The following MYO3B variants were observed in gnomAD, a reference collection of about 807,000 sequenced individuals.
MYO3B encodes the protein myosin-IIIb.
A neutral mutation model predicts 174.6 loss-of-function variants in MYO3B; 156 were observed. The observed-to-expected ratio is 0.89, with a 90% CI of 0.78 to 1.02. The LOEUF (loss-of-function observed/expected upper bound fraction) is 1.02. Among genes scored for constraint, MYO3B ranks in the 50% least tolerant of loss-of-function variants. The pLI, the probability that MYO3B is intolerant of heterozygous loss-of-function variation, is 0.00. For missense variants in MYO3B, 1,632 were observed against 1,639.4 expected, an observed-to-expected ratio of 1.00 and a Z score of 0.08; for synonymous variants, 563 against 569.1, an observed-to-expected ratio of 0.99 and a Z score of 0.15.
chr2:170,416,123 A>T (rs2094576866), intron 22 of MYO3B, among the ~76,000 whole-genome samples: 1 of 152,172 alleles, frequency 6.6e-6, no homozygotes, highest in Non-Finnish European at 1.5e-5. Flanking sequence ...CCCTGTGAAG[A>T]TGAAAGCAGA....
intron 24 of MYO3B, 52 bp downstream of exon 24, chr2:170,463,497 A>G (rs755810311): frequency 2.0e-6 from 3 of 1,513,120 alleles, no homozygotes; most frequent in Non-Finnish European, 2.7e-6. Context: ...AGGACTGTCT[A>G]AGCCTTCTTA....
At chr2:170,399,798 T>C (rs1273553722) in intron 16 of MYO3B, among the ~76,000 whole-genome samples, 1 of 152,236 alleles carries the variant, frequency 6.6e-6, no homozygotes, top group Non-Finnish European at 1.5e-5. Context: ...ATTAGTTATC[T>C]CTTAATAACC....
chr2:170,583,667 T>G (rs181350814), intron 32 of MYO3B, among the ~76,000 whole-genome samples: 1 of 152,338 alleles, frequency 6.6e-6, no homozygotes, highest in Admixed American at 6.5e-5. Flanking sequence ...TTAAGTGTTT[T>G]TCACACAATA....
At chr2:170,619,229 C>G (rs967032962) in intron 32 of MYO3B, among the ~76,000 whole-genome samples, 1 of 152,122 alleles carries the variant, frequency 6.6e-6, no homozygotes, top group African/African-American at 2.4e-5. Context: ...CTATGAACAT[C>G]TGCCTTTCTA....
intron 7 of MYO3B, among the ~76,000 whole-genome samples, chr2:170,324,831 C>A (rs1221185610): frequency 6.6e-6 from 1 of 152,172 alleles, no homozygotes; most frequent in Non-Finnish European, 1.5e-5. Context: ...GCTTCTGTGG[C>A]CTTTGGCTCT....
At position 170,319,611 on chromosome 2, in the gene MYO3B, G is replaced by T. The variant is rs111557827; in HGVS notation, c.750-15774G>T. On this transcript the variant is annotated intron_variant, in intron 7 of 34. Coordinates refer to ENST00000408978, the MANE Select transcript of MYO3B (RefSeq NM_138995.5). ...AGGTGAGATAAATGTTCAAAATTTT[G>T]TTTAAAAAAATAAGAGGTCCAAACA... is the stretch of plus-strand genomic sequence containing the variant. 6.0e-3 allele frequency among the ~76,000 whole-genome samples: 918 copies of T among 152,152 alleles called. 14 individuals are homozygous for T. The highest frequency in any genetic ancestry group is 0.021 in the African/African-American group (868 of 41,530).
At chr2:170,379,056 C>A (rs777667634) in intron 9 of MYO3B, among the ~76,000 whole-genome samples, 7 of 152,108 alleles carry the variant, frequency 4.6e-5, no homozygotes, top group Admixed American at 2.6e-4. Context: ...AGAACCAGAT[C>A]TGAGGTAATT....
intron 32 of MYO3B, among the ~76,000 whole-genome samples, chr2:170,589,286 A>G (rs888825942): frequency 1.3e-5 from 2 of 152,224 alleles, no homozygotes; most frequent in Admixed American, 1.3e-4. Flanking sequence ...TAATGAAAAA[A>G]AGAAACGAAC....
At chr2:170,610,453 C>A (rs893501786) in intron 32 of MYO3B, among the ~76,000 whole-genome samples, 1 of 152,128 alleles carries the variant, frequency 6.6e-6, no homozygotes, top group Non-Finnish European at 1.5e-5. Context: ...CAAGTCCAAG[C>A]TCTGTTAACA....
Position 170,563,119 on chromosome 2 carries a change from T to TACACAC in MYO3B, c.3733+19153_3733+19158dup, listed in dbSNP as rs56807707. On this transcript the variant is annotated intron_variant, in intron 32 of 34. Coordinates refer to ENST00000408978, the MANE Select transcript of MYO3B (RefSeq NM_138995.5). ...TCTTTCTCTCTCTCTCTCTCACACA[T>TACACAC]ACACACACACACACACACACACACA... Among the ~76,000 whole-genome samples, 231 of 110,454 alleles carry TACACAC rather than the reference T, an allele frequency of 2.1e-3. 4 individuals carry two copies. The highest frequency in any genetic ancestry group is 0.015 in the Admixed American group (171 of 11,284). 72.5% of individuals were successfully genotyped at this position (110,454 alleles called of 152,430 possible).
intron 17 of MYO3B, 106 bp downstream of exon 17, chr2:170,400,420 T>TTTTTTTTA: frequency 7.4e-6 from 9 of 1,212,892 alleles, no homozygotes; most frequent in Non-Finnish European, 1.0e-5. Flanking sequence ...TTTTTTTTTT[T>TTTTTTTTA]ATCGAGATGG....
At chr2:170,519,706 T>C in intron 30 of MYO3B, 166 bp downstream of exon 30, 1 of 578,290 alleles carries the variant, frequency 1.7e-6, no homozygotes, top group Non-Finnish European at 3.0e-6. Context: ...GCGTGGTGGC[T>C]CATGCCTGTA....
chr2:170,306,439 G>T (rs1274578734), intron 7 of MYO3B, among the ~76,000 whole-genome samples: 2 of 152,150 alleles, frequency 1.3e-5, no homozygotes, highest in South Asian at 2.1e-4. Flanking sequence ...CAGACCATGC[G>T]ATGACTTTAT....
intron 27 of MYO3B, among the ~76,000 whole-genome samples, chr2:170,500,467 G>C (rs558282381): frequency 6.6e-6 from 1 of 152,266 alleles, no homozygotes; most frequent in East Asian, 1.9e-4. Context: ...ATCTTCTGGA[G>C]GAGTTTGCCT....
At chr2:170,284,317 T>C (rs1167354188) in intron 7 of MYO3B, among the ~76,000 whole-genome samples, 4 of 152,162 alleles carry the variant, frequency 2.6e-5, no homozygotes, top group Non-Finnish European at 5.9e-5. Context: ...TATGTAAATA[T>C]CATTATCAGT....
At chr2:170,444,667 G>T (rs77739602) in intron 23 of MYO3B, among the ~76,000 whole-genome samples, 1 of 152,116 alleles carries the variant, frequency 6.6e-6, no homozygotes, top group East Asian at 1.9e-4. Context: ...TTGGCCACAC[G>T]TTAATACTGT....
intron 23 of MYO3B, among the ~76,000 whole-genome samples, chr2:170,446,876 T>C (rs775774725): frequency 3.3e-5 from 5 of 152,204 alleles, no homozygotes; most frequent in Non-Finnish European, 7.3e-5. Context: ...CAGGGAAATC[T>C]GTGTATTTTT....
intron 32 of MYO3B, among the ~76,000 whole-genome samples, chr2:170,623,492 G>C (rs1311215641): frequency 1.3e-5 from 2 of 152,166 alleles, no homozygotes; most frequent in Non-Finnish European, 2.9e-5. Flanking sequence ...CAGATGGGTA[G>C]ACTGCAAAAA....
chr2:170,229,478 G>C (rs938437142), intron 6 of MYO3B, among the ~76,000 whole-genome samples: 20 of 152,120 alleles, frequency 1.3e-4, no homozygotes, highest in Admixed American at 1.2e-3. Context: ...GAACATAGAA[G>C]GCAAACCTAA....
Sources: allele counts gnomAD v4.1 joint callset (sites outside exome capture counted in the v4.1 genomes callset), GRCh38; gene constraint gnomAD v4.1.1; transcripts MANE v1.5; gene names NCBI Gene and HGNC (gene_info 2026-07-23, HGNC 2026-07-21).